Variants in RIN2 observed in about 807,000 individuals in gnomAD.
RIN2 encodes Ras and Rab interactor 2.
A neutral mutation model predicts 78.0 loss-of-function variants in RIN2; 36 were observed. The ratio of observed to expected loss-of-function variants is 0.46; its 90% CI spans 0.35 to 0.61. The LOEUF is 0.61. Ranked by LOEUF, RIN2 falls within the 20% of genes least tolerant of loss-of-function variation. RIN2 has a pLI of 0.00. For synonymous variants in RIN2, 466 were observed against 466.8 expected (o/e 1.00, Z 0.02); for missense variants, 1,087 against 1,159.7 (o/e 0.94, Z 0.91).
rs115883494 is a variant in RIN2, at chr20:19,952,658, C to T, written c.159-3957C>T. 2.3e-3 allele frequency among the ~76,000 whole-genome samples: 349 copies of T among 152,234 alleles called. 4 individuals are homozygous for T. Among genetic ancestry groups the T allele is most frequent in the African/African-American group, 7.9e-3 (330 of 41,534 alleles). ...GAAACCACAGAGGAGTCACAGGATG[C>T]GCCCTTCTAGGGAAGGAAGATATGT... On this transcript the variant is annotated intron_variant, in intron 4 of 12. Transcript: ENST00000255006.
chr20:19,769,230 G>A (rs536679498), intron 1 of RIN2, among the ~76,000 whole-genome samples: 15 of 152,278 alleles, frequency 9.9e-5, no homozygotes, highest in African/African-American at 2.2e-4. Flanking sequence ...CCACCGTGCC[G>A]TGCCCGGCCA....
rs752982932 is a variant in RIN2, at chr20:19,975,433, C to G, written c.1408C>G (p.Gln470Glu). Residue 470 changes from glutamine (Q) to glutamate (E), a missense_variant, in exon 9 of 13, where the codon CAA becomes GAA. Gln to Glu is a conservative substitution (Grantham distance 29, BLOSUM62 2). Transcript: ENST00000255006. This position sits in a 1 kb window ranked among gnomAD's most constrained non-coding sequence, Gnocchi z 4.9. ...SLEDYEGESD[Q>E]ETMAPPIKSK... ...GGAGGACTACGAGGGGGAAAGTGAC[C>G]AAGAGACCATGGCGCCCCCCATCAA... The G allele has an allele frequency of 8.1e-6, 13 of 1,614,050 alleles. No individual in the cohort carries two copies. Among genetic ancestry groups the G allele is most frequent in the African/African-American group, 5.3e-5 (4 of 75,064 alleles).
At chr20:19,862,085 T>G (rs1035896948) in intron 2 of RIN2, among the ~76,000 whole-genome samples, 1 of 152,240 alleles carries the variant, frequency 6.6e-6, no homozygotes, top group African/African-American at 2.4e-5. Flanking sequence ...ATCCCCCAAG[T>G]GGAGTCCGGC....
intron 3 of RIN2, among the ~76,000 whole-genome samples, chr20:19,909,868 G>A (rs890276835): frequency 6.6e-5 from 10 of 152,274 alleles, no homozygotes; most frequent in South Asian, 6.2e-4. Context: ...GGTGTGGTGC[G>A]GCTACTAGTA....
intron 1 of RIN2, among the ~76,000 whole-genome samples, chr20:19,760,211 C>T (rs1014442498): frequency 5.9e-5 from 9 of 152,148 alleles, no homozygotes; most frequent in African/African-American, 9.7e-5. Context: ...GGTCCCGGGA[C>T]AGTGAAGGGC....
At chr20:19,896,222 T>G (rs1458533188) in intron 3 of RIN2, among the ~76,000 whole-genome samples, 2 of 152,176 alleles carry the variant, frequency 1.3e-5, no homozygotes. Flanking sequence ...AAAGTCTTGC[T>G]CTGTTGCCTA....
chr20:19,973,184 GAACAT>G (rs2042160425), intron 8 of RIN2, among the ~76,000 whole-genome samples: 1 of 152,172 alleles, frequency 6.6e-6, no homozygotes, highest in East Asian at 1.9e-4. Context: ...TAACTGAACT[GAACAT>G]GAGTTCTAAA....
chr20:20,001,171 A>C lies in RIN2; in HGVS notation c.*235A>C. The C allele has an allele frequency of 1.9e-6, 1 of 518,758 alleles. No homozygotes were observed. The highest frequency in any genetic ancestry group is 3.1e-5 in the East Asian group (1 of 32,428). 32.1% of individuals were successfully genotyped at this position (518,758 alleles called of 1,614,324 possible). A position where few individuals can be genotyped will look rare whatever the true frequency, so the allele number is the denominator to read the frequency against. ...ATGGAGAATTGCATCTGATGGTTCA[A>C]GTGTCCTGAGATTGTTTGCTACCTA... is the stretch of plus-strand genomic sequence containing the variant. On this transcript the variant is annotated 3_prime_UTR_variant, in exon 13 of 13. Transcript: ENST00000255006.
At chr20:19,841,768 C>T (rs1466472209) in intron 2 of RIN2, among the ~76,000 whole-genome samples, 2 of 152,198 alleles carry the variant, frequency 1.3e-5, no homozygotes, top group Non-Finnish European at 2.9e-5. Context: ...AAGGCTAAGT[C>T]ACATGAGGAA....
intron 2 of RIN2, among the ~76,000 whole-genome samples, chr20:19,844,605 T>C (rs1420101032): frequency 1.2e-4 from 3 of 25,708 alleles, no homozygotes; most frequent in East Asian, 1.7e-3. Flanking sequence ...TTCTTCCTCT[T>C]CTTCTTCTTC....
intron 6 of RIN2, among the ~76,000 whole-genome samples, chr20:19,962,856 T>C (rs437205): frequency 0.011 from 1,662 of 152,176 alleles, 30 homozygotes; most frequent in South Asian, 0.047. Context: ...GCTCAGGAGG[T>C]TGAGGCAGGA....
chr20:19,972,863 G>C (rs771483909), intron 8 of RIN2, among the ~76,000 whole-genome samples: 6 of 152,198 alleles, frequency 3.9e-5, no homozygotes, highest in Non-Finnish European at 7.3e-5. Flanking sequence ...TGTGTAATTT[G>C]AAACTGTCTA....
chr20:19,891,654 A>T (rs546869193), intron 3 of RIN2, among the ~76,000 whole-genome samples: 1 of 152,284 alleles, frequency 6.6e-6, no homozygotes, highest in South Asian at 2.1e-4. Flanking sequence ...CCCCATCTCT[A>T]CTAAAAATAC....
chr20:19,844,368 T>A (rs1718633677), intron 2 of RIN2, among the ~76,000 whole-genome samples: 1 of 152,216 alleles, frequency 6.6e-6, no homozygotes, highest in Non-Finnish European at 1.5e-5. Context: ...AATAATGGTG[T>A]TTAATTTTGC....
At chr20:19,790,100 C>T (rs1002263440) in intron 1 of RIN2, among the ~76,000 whole-genome samples, 2 of 152,152 alleles carry the variant, frequency 1.3e-5, no homozygotes, top group South Asian at 2.1e-4. Flanking sequence ...GATCTGGCCT[C>T]TATAGACCAT....
chr20:19,990,218 A>G lies in RIN2; in HGVS notation c.1975A>G (p.Met659Val), dbSNP rs749785612. Residue 659 changes from methionine (M) to valine (V), a missense_variant, in exon 10 of 13, where the codon ATG (methionine) becomes GTG (valine). Transcript: ENST00000255006. ...VDVEKIKVKF[M>V]TMQKMYSPEK... is the part of the protein sequence containing the mutation. ...TGTGGAGAAAATCAAAGTCAAGTTC[A>G]TGACCATGCAGAAGATGTATTCGCC... 5 of 1,612,676 alleles carry G rather than the reference A, an allele frequency of 3.1e-6. No individual in the cohort carries two copies. Among genetic ancestry groups the G allele is most frequent in the East Asian group, 4.5e-5 (2 of 44,870 alleles).
intron 11 of RIN2, among the ~76,000 whole-genome samples, chr20:19,995,659 G>A (rs1001039168): frequency 1.3e-5 from 2 of 152,060 alleles, no homozygotes; most frequent in Admixed American, 1.3e-4. Flanking sequence ...TATCCTAAAT[G>A]CCAGATGTTA....
intron 1 of RIN2, among the ~76,000 whole-genome samples, chr20:19,781,050 T>C (rs2034485758): frequency 6.6e-6 from 1 of 152,204 alleles, no homozygotes; most frequent in South Asian, 2.1e-4. Context: ...CAGGTGATAA[T>C]GCAGGGATCC....
chr20:19,901,932 C>T (rs2039000759), intron 3 of RIN2, among the ~76,000 whole-genome samples: 2 of 149,230 alleles, frequency 1.3e-5, no homozygotes, highest in African/African-American at 2.5e-5. Flanking sequence ...AGGAGAATCA[C>T]TCGAACCCGG....
Sources: gnomAD v4.1 joint callset for allele counts (sites outside exome capture counted in the v4.1 genomes callset) on GRCh38, gnomAD v4.1.1 for gene constraint, Gnocchi (gnomAD v3.1) non-coding constraint, MANE v1.5 for transcripts, NCBI Gene and HGNC (gene_info 2026-07-23, HGNC 2026-07-21) for gene names.